USP37: variants seen among roughly 807,000 people sequenced by gnomAD.
USP37 encodes the protein ubiquitin carboxyl-terminal hydrolase 37.
USP37 carries 27 observed loss-of-function variants against 124.0 expected under a neutral mutation model. The observed-to-expected ratio is 0.22, with a 90% CI of 0.16 to 0.30. The LOEUF is 0.30. Ranked by LOEUF, USP37 falls within the 10% of genes least tolerant of loss-of-function variation. The probability of loss-of-function intolerance (pLI) is 1.00; values close to 1 mark genes in which losing one functional copy is unlikely to be tolerated. For synonymous variants in USP37, 365 were observed against 388.0 expected (o/e 0.94, Z 0.70); for missense variants, 889 against 1,140.4 (o/e 0.78, Z 3.17).
At chr2:218,489,790 T>C (rs1691820246) in intron 14 of USP37, among the ~76,000 whole-genome samples, 1 of 152,076 alleles carries the variant, frequency 6.6e-6, no homozygotes, top group South Asian at 2.1e-4. Context: ...AAAAGACAAT[T>C]ATTATTCTGA....
chr2:218,473,025 T>C (rs768388682), intron 20 of USP37, among the ~76,000 whole-genome samples: 20 of 152,310 alleles, frequency 1.3e-4, no homozygotes, highest in Non-Finnish European at 2.4e-4. Flanking sequence ...TTTTCTAGTG[T>C]TCTTTTAAGT....
At chr2:218,492,304 T>A (rs1688825149) in intron 14 of USP37, among the ~76,000 whole-genome samples, 2 of 152,180 alleles carry the variant, frequency 1.3e-5, no homozygotes, top group Non-Finnish European at 2.9e-5. Context: ...GGCACTATGA[T>A]CCTGGTGTTT....
At chr2:218,497,225 C>CT (rs1008819109) in intron 13 of USP37, among the ~76,000 whole-genome samples, 8 of 151,810 alleles carry the variant, frequency 5.3e-5, no homozygotes, top group African/African-American at 1.9e-4. Flanking sequence ...CATGTGCCAC[C>CT]ATGCCCGGCT....
intron 8 of USP37, among the ~76,000 whole-genome samples, chr2:218,539,551 CA>C (rs1317360662): frequency 1.3e-5 from 2 of 151,390 alleles, no homozygotes; most frequent in African/African-American, 2.4e-5. Flanking sequence ...CCCGTCTCTA[CA>C]AAAAATACAA....
intron 10 of USP37, among the ~76,000 whole-genome samples, chr2:218,519,743 A>G (rs1347074893): frequency 6.6e-6 from 1 of 151,390 alleles, no homozygotes; most frequent in African/African-American, 2.4e-5. Flanking sequence ...AATAGCATGA[A>G]CTGGGGAGGC....
intron 11 of USP37, among the ~76,000 whole-genome samples, chr2:218,498,688 T>C (rs930949341): frequency 1.3e-5 from 2 of 151,972 alleles, no homozygotes; most frequent in African/African-American, 2.4e-5. Context: ...GATTGTGCCA[T>C]TGCACTCCAG....
chr2:218,544,430 T>TATATATAGAGAG (rs377397246), intron 8 of USP37, among the ~76,000 whole-genome samples: 17 of 50,818 alleles, frequency 3.3e-4, no homozygotes, highest in African/African-American at 1.7e-3. Flanking sequence ...TATATATATA[T>TATATATAGAGAG]AGAGAGAGAG....
chr2:218,546,593 G>A (rs1692336642), intron 7 of USP37, among the ~76,000 whole-genome samples: 1 of 151,940 alleles, frequency 6.6e-6, no homozygotes, highest in Non-Finnish European at 1.5e-5. Context: ...TAATTTTTTT[G>A]TATTTTTAGT....
At chr2:218,550,443 A>T (rs58827325) in intron 5 of USP37, among the ~76,000 whole-genome samples, 100,045 of 151,326 alleles carry the variant, frequency 0.66, 33,475 homozygotes, top group East Asian at 0.89. Context: ...ATATTTTATA[A>T]TTAATTTGGT....
chr2:218,499,972 T>C (rs2105992547), intron 11 of USP37, among the ~76,000 whole-genome samples: 1 of 152,326 alleles, frequency 6.6e-6, no homozygotes, highest in African/African-American at 2.4e-5. Flanking sequence ...TCTCACTATG[T>C]TGCCTAGGCT....
intron 1 of USP37, among the ~76,000 whole-genome samples, chr2:218,563,471 TTAAGTC>T (rs1478835196): frequency 2.6e-5 from 4 of 152,204 alleles, no homozygotes; most frequent in Admixed American, 2.0e-4. Context: ...TAATAATGTC[TTAAGTC>T]TTAAAACTTC....
At chr2:218,482,583 A>G (rs1244108546) in intron 16 of USP37, among the ~76,000 whole-genome samples, 1 of 152,220 alleles carries the variant, frequency 6.6e-6, no homozygotes, top group African/African-American at 2.4e-5. Flanking sequence ...TTAAAAAGCA[A>G]TAGGTTTTAT....
rs552940855 is a variant in USP37, at chr2:218,529,980, G to T, written c.839C>A (p.Ser280Tyr). ...YGSRAGSKEHSSGGTNLDRTN... is the reference protein window; with the variant it reads ...YGSRAGSKEHYSGGTNLDRTN... ...CCTGTCTAAGTTAGTGCCACCAGAA[G>T]AGTGTTCCTTGGATCCAGCTCTGCT... is the stretch of plus-strand genomic sequence containing the variant. Residue 280 changes from serine to tyrosine, a missense_variant, in exon 10 of 26, where the codon TCT becomes TAT. Ser to Tyr is a moderately radical substitution (Grantham distance 144). This residue lies in a region of USP37 where 374 missense variants were observed against 386.0 expected (regional missense o/e 0.97). Transcript: ENST00000258399. 1.2e-5 allele frequency: 19 copies of T among 1,613,324 alleles called. No individual in the cohort carries two copies. The highest frequency in any genetic ancestry group is 1.4e-5 in the Non-Finnish European group (17 of 1,179,828).
At chr2:218,482,967 T>C (rs1416360372) in intron 16 of USP37, among the ~76,000 whole-genome samples, 2 of 152,148 alleles carry the variant, frequency 1.3e-5, no homozygotes, top group African/African-American at 2.4e-5. Flanking sequence ...AAACATCTTA[T>C]GGGAATAAAC....
intron 10 of USP37, among the ~76,000 whole-genome samples, chr2:218,525,689 AT>A (rs1553552010): frequency 6.6e-6 from 1 of 151,896 alleles, no homozygotes; most frequent in African/African-American, 2.4e-5. Flanking sequence ...TACAATATAA[AT>A]TTTTTTCTAA....
At chr2:218,486,791 T>C (rs1018882541) in intron 15 of USP37, among the ~76,000 whole-genome samples, 2 of 152,082 alleles carry the variant, frequency 1.3e-5, no homozygotes, top group Non-Finnish European at 2.9e-5. Context: ...AGTGGCGCGA[T>C]CTCGGCTCAC....
chr2:218,542,251 G>A (rs1310687805), intron 8 of USP37, among the ~76,000 whole-genome samples: 3 of 152,084 alleles, frequency 2.0e-5, no homozygotes, highest in African/African-American at 7.2e-5. Context: ...AGCTTCTAAG[G>A]AGTGCAAACT....
intron 1 of USP37, among the ~76,000 whole-genome samples, chr2:218,564,483 C>A (rs1172732721): frequency 6.6e-6 from 1 of 152,308 alleles, no homozygotes; most frequent in Non-Finnish European, 1.5e-5. Flanking sequence ...AGTTCATCCT[C>A]ATCAATGAAT....
At chr2:218,466,223 G>GA in intron 20 of USP37, 47 bp from the exon 21 acceptor site, 1 of 1,547,178 alleles carries the variant, frequency 6.5e-7, no homozygotes, top group Non-Finnish European at 8.7e-7. Flanking sequence ...CTAATAAATG[G>GA]AAATTTCTGA....
Sources: gnomAD v4.1 joint callset for allele counts (sites outside exome capture counted in the v4.1 genomes callset) on GRCh38, gnomAD v4.1.1 for gene constraint, gnomAD v4.1.1 regional missense constraint, MANE v1.5 for transcripts, NCBI Gene and HGNC (gene_info 2026-07-23, HGNC 2026-07-21) for gene names.